DRD3: variants seen among roughly 807,000 people sequenced by gnomAD.
The protein encoded by DRD3 is D(3) dopamine receptor.
In DRD3, 19 loss-of-function variants were observed where a neutral mutation model predicts 36.3. The observed-to-expected ratio is 0.52, with a 90% confidence interval of 0.36 to 0.77. The LOEUF (loss-of-function observed/expected upper bound fraction) is 0.77. Ranked by LOEUF, DRD3 falls within the 30% of genes least tolerant of loss-of-function variation. DRD3 has a pLI of 0.00. For synonymous variants in DRD3, 195 were observed against 203.7 expected (o/e 0.96, Z 0.36); for missense variants, 465 against 505.3 (o/e 0.92, Z 0.77).
chr3:114,169,959 G>A (rs1320363975), intron 2 of DRD3, among the ~76,000 whole-genome samples: 1 of 152,210 alleles, frequency 6.6e-6, no homozygotes, highest in Admixed American at 6.5e-5. Context: ...ATGCTCATTA[G>A]AGTGAAGGTC....
chr3:114,175,080 G>A (rs1190226456), intron 1 of DRD3, among the ~76,000 whole-genome samples: 2 of 151,934 alleles, frequency 1.3e-5, no homozygotes, highest in Non-Finnish European at 2.9e-5. Flanking sequence ...TGCATTGTGG[G>A]GGGTTTAACA....
chr3:114,129,841 T>C (rs969965116), intron 6 of DRD3, among the ~76,000 whole-genome samples: 1 of 152,242 alleles, frequency 6.6e-6, no homozygotes, highest in Non-Finnish European at 1.5e-5. Flanking sequence ...GTGGATCACC[T>C]GAGGTCAGGA....
At chr3:114,192,312 A>G (rs1183886315) in intron 1 of DRD3, among the ~76,000 whole-genome samples, 1 of 152,110 alleles carries the variant, frequency 6.6e-6, no homozygotes, top group Non-Finnish European at 1.5e-5. Context: ...GCTCCCTGCA[A>G]GTCTGATTTA....
In DRD3 at chr3:114,128,765, G is replaced by C; in HGVS notation, c.1154C>G (p.Thr385Ser). The C allele has an allele frequency of 5.0e-6, 8 of 1,613,068 alleles. No individual in the cohort carries two copies. The highest frequency in any genetic ancestry group is 6.8e-6 in the Non-Finnish European group (8 of 1,179,548). The change falls in exon 7 of 7, where the codon ACC becomes AGC. Residue 385 changes from threonine to serine, a missense_variant. Physicochemically the swap from Thr to Ser is moderately conservative, Grantham distance 58 (BLOSUM62 1). Transcript: ENST00000383673. ...NSALNPVIYTTFNIEFRKAFL... is the reference protein window; with the variant it reads ...NSALNPVIYTSFNIEFRKAFL... ...GGCTTTCCGGAACTCGATATTGAAGGTGGTATAGATCACAGGGTTGAGGGC... is the reference window on the plus strand; with the variant it reads ...GGCTTTCCGGAACTCGATATTGAAGCTGGTATAGATCACAGGGTTGAGGGC...
chr3:114,141,964 G>A (rs926276385), intron 4 of DRD3, among the ~76,000 whole-genome samples: 1 of 146,256 alleles, frequency 6.8e-6, no homozygotes, highest in Admixed American at 7.2e-5. Context: ...CAGGAGAACC[G>A]CTTGAACCCA....
At chr3:114,164,220 C>CAAAAAAAAAAAAA (rs34500434) in intron 2 of DRD3, among the ~76,000 whole-genome samples, 14 of 17,778 alleles carry the variant, frequency 7.9e-4, no homozygotes, top group Admixed American at 1.4e-3. Context: ...GCCTCAGTCT[C>CAAAAAAAAAAAAA]AAAAAAAAAA....
Position 114,147,435 on chromosome 3 carries a change from A to G in DRD3, c.506T>C (p.Leu169Pro). Residue 169 changes from leucine (L) to proline (P), a missense_variant, in exon 4 of 7, where the codon CTG (leucine) becomes CCG (proline). By Grantham distance (98) the Leu-to-Pro change is moderately conservative. Coordinates refer to ENST00000383673, the MANE Select transcript of DRD3 (RefSeq NM_000796.6). ...VLAFAVSCPLLFGFNTTGDPT... is the reference protein window; with the variant it reads ...VLAFAVSCPLPFGFNTTGDPT... ...GTTACCTGTGGTATTAAAGCCAAAC[A>G]GAAGAGGGCAGGACACAGCAAAGGC... 6.2e-7 allele frequency: 1 copy of G among 1,613,596 alleles called. No homozygotes were observed. Among genetic ancestry groups the G allele is most frequent in the African/African-American group, 1.3e-5 (1 of 74,894 alleles).
chr3:114,129,445 C>T (rs2077407749), intron 6 of DRD3, among the ~76,000 whole-genome samples: 1 of 152,166 alleles, frequency 6.6e-6, no homozygotes. Context: ...CTTTCATTCA[C>T]TTTGGCCTTT....
At chr3:114,191,669 C>T (rs944685932) in intron 1 of DRD3, among the ~76,000 whole-genome samples, 26 of 152,122 alleles carry the variant, frequency 1.7e-4, no homozygotes, top group African/African-American at 5.8e-4. Context: ...AACTCAGAAG[C>T]AAGTTGGCGG....
intron 3 of DRD3, among the ~76,000 whole-genome samples, chr3:114,154,327 G>A (rs1392698835): frequency 2.1e-5 from 3 of 145,242 alleles, no homozygotes; most frequent in African/African-American, 8.1e-5. Flanking sequence ...GGTGGGAGAT[G>A]TGTGTGTGTG....
At position 114,128,648 on chromosome 3, in the gene DRD3, T is replaced by A; in HGVS notation, c.*68A>T. ...CTGCATGCCGGAGGACACTGCACAG[T>A]CTTTCTGAGTGGGCCAACAGCCTGG... On this transcript the variant is annotated 3_prime_UTR_variant, in exon 7 of 7. Transcript: ENST00000383673. 1 of 1,472,370 alleles carries A rather than the reference T, an allele frequency of 6.8e-7. No homozygotes were observed. Among genetic ancestry groups the A allele is most frequent in the Non-Finnish European group, 9.1e-7 (1 of 1,097,944 alleles). 91.2% of individuals were successfully genotyped at this position (1,472,370 alleles called of 1,614,324 possible). A position where few individuals can be genotyped will look rare whatever the true frequency, so the allele number is the denominator to read the frequency against.
intron 3 of DRD3, among the ~76,000 whole-genome samples, chr3:114,150,855 T>C (rs1433538998): frequency 2.6e-5 from 4 of 152,196 alleles, no homozygotes; most frequent in Non-Finnish European, 5.9e-5. Context: ...CTGCCTCTTG[T>C]GCATCTTGTT....
chr3:114,187,552 T>A (rs2077982226), intron 1 of DRD3, among the ~76,000 whole-genome samples: 1 of 152,210 alleles, frequency 6.6e-6, no homozygotes, highest in South Asian at 2.1e-4. Flanking sequence ...GATGTTCAGA[T>A]ATCCTACTGC....
At chr3:114,181,417 A>G (rs1034870354), upstream of DRD3, among the ~76,000 whole-genome samples, 2 of 152,164 alleles carry the variant, frequency 1.3e-5, no homozygotes, top group East Asian at 1.9e-4. Flanking sequence ...AAGATTAGCA[A>G]TTGCTCCTTT....
chr3:114,138,460 A>G (rs765323271), intron 5 of DRD3, among the ~76,000 whole-genome samples: 4 of 152,176 alleles, frequency 2.6e-5, no homozygotes, highest in Non-Finnish European at 5.9e-5. Flanking sequence ...AAATTTGTGC[A>G]GGGAAACTCC....
At chr3:114,178,575 A>T (rs1577626778) in intron 1 of DRD3, 82 bp downstream of exon 1, 1 of 152,256 alleles carries the variant, frequency 6.6e-6, no homozygotes, top group East Asian at 1.9e-4. Context: ...ATTTTTAGAG[A>T]TCCACAGAAC....
chr3:114,164,583 G>C (rs2077765109), intron 2 of DRD3, among the ~76,000 whole-genome samples: 1 of 152,108 alleles, frequency 6.6e-6, no homozygotes, highest in East Asian at 1.9e-4. Context: ...AGTCCCTCAA[G>C]TGATTCTTAT....
intron 5 of DRD3, among the ~76,000 whole-genome samples, chr3:114,131,844 A>G (rs1488969819): frequency 3.9e-5 from 6 of 152,270 alleles, no homozygotes; most frequent in Admixed American, 1.3e-4. Flanking sequence ...GAGAAATGCA[A>G]TCAAAATGAC....
chr3:114,142,224 C>T (rs1207787666), intron 4 of DRD3, among the ~76,000 whole-genome samples: 1 of 152,080 alleles, frequency 6.6e-6, no homozygotes, highest in Non-Finnish European at 1.5e-5. Flanking sequence ...TGATCTGCTC[C>T]TTCTCTGAAG....
Sources: allele counts gnomAD v4.1 joint callset (sites outside exome capture counted in the v4.1 genomes callset), GRCh38; gene constraint gnomAD v4.1.1; transcripts MANE v1.5; gene names NCBI Gene and HGNC (gene_info 2026-07-23, HGNC 2026-07-21).